Variants in VPS13B observed in about 807,000 individuals in gnomAD.
The protein encoded by VPS13B is intermembrane lipid transfer protein VPS13B.
In VPS13B, 285 loss-of-function variants were observed where a neutral mutation model predicts 426.4. The observed-to-expected ratio is 0.67, with a 90% CI of 0.61 to 0.74. The LOEUF is 0.74. Ranked by LOEUF, VPS13B falls within the 30% of genes least tolerant of loss-of-function variation. The probability of loss-of-function intolerance (pLI) is 0.00; values close to 1 mark genes in which losing one functional copy is unlikely to be tolerated. For synonymous variants in VPS13B, 1,676 were observed against 1,676.4 expected (o/e 1.00, Z 0.01); for missense variants, 4,537 against 4,782.6 (o/e 0.95, Z 1.51).
chr8:99,283,964 T>C (rs1819293397), intron 19 of VPS13B, among the ~76,000 whole-genome samples: 1 of 152,180 alleles, frequency 6.6e-6, no homozygotes, highest in Non-Finnish European at 1.5e-5. Context: ...TTTTTTCCCG[T>C]TAAGAGATGC....
chr8:99,566,191 G>T (rs970090463), intron 31 of VPS13B, among the ~76,000 whole-genome samples: 1 of 151,714 alleles, frequency 6.6e-6, no homozygotes, highest in African/African-American at 2.4e-5. Flanking sequence ...ATCCTGTCTT[G>T]CCTGGTCTTA....
intron 17 of VPS13B, among the ~76,000 whole-genome samples, chr8:99,266,047 C>T (rs1818279418): frequency 6.6e-6 from 1 of 152,084 alleles, no homozygotes; most frequent in Non-Finnish European, 1.5e-5. Flanking sequence ...TCTTTTACTT[C>T]CACAGAGATA....
intron 17 of VPS13B, among the ~76,000 whole-genome samples, chr8:99,198,208 G>A (rs765092616): frequency 8.6e-5 from 13 of 152,026 alleles, no homozygotes; most frequent in Admixed American, 2.0e-4. Flanking sequence ...TAACTCTACA[G>A]TAACATCTTC....
intron 43 of VPS13B, among the ~76,000 whole-genome samples, chr8:99,794,357 A>G (rs926305878): frequency 2.0e-5 from 3 of 152,206 alleles, no homozygotes; most frequent in Admixed American, 1.3e-4. Context: ...AACAATGTAC[A>G]ATGGTATACG....
chr8:99,689,044 G>T (rs1442834106), intron 35 of VPS13B, among the ~76,000 whole-genome samples: 1 of 152,026 alleles, frequency 6.6e-6, no homozygotes, highest in Admixed American at 6.5e-5. Context: ...AAAAGGGACT[G>T]TTCAGGTGTG....
chr8:99,380,763 C>T (rs1014974464), intron 19 of VPS13B, among the ~76,000 whole-genome samples: 3 of 151,604 alleles, frequency 2.0e-5, no homozygotes, highest in African/African-American at 4.9e-5. Context: ...TTTAAATAAT[C>T]TATAACATTA....
intron 33 of VPS13B, among the ~76,000 whole-genome samples, chr8:99,600,050 G>A (rs1248050129): frequency 6.6e-6 from 1 of 152,066 alleles, no homozygotes; most frequent in African/African-American, 2.4e-5. Flanking sequence ...AGTAAACCTA[G>A]CTTTAAAAAT....
chr8:99,509,464 C>T (rs927982245), intron 28 of VPS13B, among the ~76,000 whole-genome samples: 1 of 151,912 alleles, frequency 6.6e-6, no homozygotes, highest in Non-Finnish European at 1.5e-5. Context: ...TATCTTCCTT[C>T]ATTATAAAGT....
At chr8:99,548,812 T>C (rs1824126737) in intron 30 of VPS13B, among the ~76,000 whole-genome samples, 1 of 151,862 alleles carries the variant, frequency 6.6e-6, no homozygotes. Context: ...TAAAGAAAAA[T>C]AAATCTTGGG....
intron 36 of VPS13B, among the ~76,000 whole-genome samples, chr8:99,711,031 T>G (rs1229640375): frequency 6.6e-6 from 1 of 152,030 alleles, no homozygotes; most frequent in Non-Finnish European, 1.5e-5. Context: ...GTTCCAAGAT[T>G]AAAAGCACTT....
At chr8:99,819,377 G>A (rs1490482425) in intron 47 of VPS13B, 35 bp from the exon 48 acceptor site, 1 of 1,608,130 alleles carries the variant, frequency 6.2e-7, no homozygotes, top group South Asian at 1.1e-5. Flanking sequence ...TTAGAAATCT[G>A]ATAATTATTC....
intron 16 of VPS13B, among the ~76,000 whole-genome samples, chr8:99,176,244 C>T (rs1812625818): frequency 6.6e-6 from 1 of 151,954 alleles, no homozygotes; most frequent in Non-Finnish European, 1.5e-5. Flanking sequence ...AAGTGATTCT[C>T]GTTCCTCAAC....
chr8:99,713,106 A>G (rs1489568247), intron 36 of VPS13B, among the ~76,000 whole-genome samples: 1 of 144,426 alleles, frequency 6.9e-6, no homozygotes, highest in African/African-American at 2.4e-5. Context: ...CCTGCATAAT[A>G]GAGATACCTA....
At chr8:99,304,677 C>A (rs1820547220) in intron 19 of VPS13B, among the ~76,000 whole-genome samples, 1 of 152,156 alleles carries the variant, frequency 6.6e-6, no homozygotes, top group Non-Finnish European at 1.5e-5. Context: ...TACACCTTGA[C>A]CTTTATTCTC....
chr8:99,534,753 G>T (rs564688835), intron 30 of VPS13B, among the ~76,000 whole-genome samples: 1 of 152,204 alleles, frequency 6.6e-6, no homozygotes, highest in South Asian at 2.1e-4. Flanking sequence ...AAAACATTGT[G>T]CTACTGTCTT....
chr8:99,568,426 G>T (rs565847622), intron 31 of VPS13B, among the ~76,000 whole-genome samples: 33 of 151,910 alleles, frequency 2.2e-4, no homozygotes, highest in Non-Finnish European at 4.0e-4. Context: ...AAGTAGCTGG[G>T]ACTACAGGCC....
intron 31 of VPS13B, among the ~76,000 whole-genome samples, chr8:99,566,512 C>G (rs1446416685): frequency 6.6e-6 from 1 of 151,780 alleles, no homozygotes; most frequent in East Asian, 1.9e-4. Flanking sequence ...GCAGTCTCAG[C>G]TCACTGCAGT....
At chr8:99,434,405 A>T (rs1363461602) in intron 22 of VPS13B, among the ~76,000 whole-genome samples, 1 of 152,186 alleles carries the variant, frequency 6.6e-6, no homozygotes, top group Non-Finnish European at 1.5e-5. Flanking sequence ...CAAGTATTTA[A>T]CTAAGCCATA....
At chr8:99,198,678 T>C (rs971282641) in intron 17 of VPS13B, among the ~76,000 whole-genome samples, 5 of 152,220 alleles carry the variant, frequency 3.3e-5, no homozygotes, top group African/African-American at 1.2e-4. Context: ...TTTTGCATAT[T>C]GAGGAGTTGA....
Sources: gnomAD v4.1 joint callset for allele counts (sites outside exome capture counted in the v4.1 genomes callset) on GRCh38, gnomAD v4.1.1 for gene constraint, MANE v1.5 for transcripts, NCBI Gene and HGNC (gene_info 2026-07-23, HGNC 2026-07-21) for gene names.